Variants in EFR3A observed in about 807,000 individuals in gnomAD.
The protein encoded by EFR3A is EFR3 homolog A, also known as protein EFR3 homolog A.
EFR3A carries 76 observed loss-of-function variants against 104.4 expected under a neutral mutation model. The observed-to-expected ratio is 0.73, with a 90% CI of 0.60 to 0.88. EFR3A has a LOEUF of 0.88. Ranked by LOEUF, EFR3A falls within the 40% of genes least tolerant of loss-of-function variation. The pLI is 0.00. For missense variants in EFR3A, 985 were observed against 1,012.5 expected (o/e 0.97, Z 0.37); for synonymous variants, 330 against 330.0 (o/e 1.00, Z 0.00).
At chr8:131,919,746 T>A (rs1178350802) in intron 1 of EFR3A, among the ~76,000 whole-genome samples, 9 of 151,958 alleles carry the variant, frequency 5.9e-5, no homozygotes, top group African/African-American at 2.2e-4. Flanking sequence ...CTCCCTAGAT[T>A]TTGGTTCATT....
intron 1 of EFR3A, among the ~76,000 whole-genome samples, chr8:131,912,123 G>C (rs1361782026): frequency 6.6e-6 from 1 of 152,166 alleles, no homozygotes. Flanking sequence ...TTTTGTTTTT[G>C]AGGCCTTCAT....
chr8:131,941,180 CAG>C (rs1563646361), intron 2 of EFR3A, among the ~76,000 whole-genome samples: 2 of 151,964 alleles, frequency 1.3e-5, no homozygotes, highest in South Asian at 4.1e-4. Context: ...TTGTTTCAGG[CAG>C]AGTTTTTCTT....
chr8:131,989,688 A>G (rs1297876381), intron 18 of EFR3A, among the ~76,000 whole-genome samples: 4 of 152,202 alleles, frequency 2.6e-5, no homozygotes, highest in Admixed American at 2.6e-4. Context: ...CCTACAATGT[A>G]ATATATATCA....
At chr8:131,943,153 G>A (rs546984367) in intron 2 of EFR3A, among the ~76,000 whole-genome samples, 2 of 152,118 alleles carry the variant, frequency 1.3e-5, no homozygotes, top group South Asian at 2.1e-4. Flanking sequence ...TTGGATTAGG[G>A]ATATCTAAGT....
At chr8:131,910,256 A>T (rs1022791914) in intron 1 of EFR3A, among the ~76,000 whole-genome samples, 2 of 152,170 alleles carry the variant, frequency 1.3e-5, no homozygotes, top group Admixed American at 6.6e-5. Context: ...AACTTGAAGC[A>T]AAAACAGCTG....
At chr8:131,928,471 A>G (rs796927767) in intron 1 of EFR3A, among the ~76,000 whole-genome samples, 2 of 152,286 alleles carry the variant, frequency 1.3e-5, no homozygotes, top group African/African-American at 4.8e-5. Flanking sequence ...TCTGTATTTT[A>G]GATAGCAGAC....
chr8:131,917,695 C>A (rs904128904), intron 1 of EFR3A, among the ~76,000 whole-genome samples: 4 of 152,104 alleles, frequency 2.6e-5, no homozygotes, highest in African/African-American at 9.7e-5. Flanking sequence ...TTTATAGTTG[C>A]AGTAATAAAA....
At chr8:131,928,511 G>A (rs1817420634) in intron 1 of EFR3A, among the ~76,000 whole-genome samples, 4 of 152,052 alleles carry the variant, frequency 2.6e-5, no homozygotes, top group South Asian at 2.1e-4. Flanking sequence ...GATTAAAGTA[G>A]CAATAAATTA....
intron 1 of EFR3A, among the ~76,000 whole-genome samples, chr8:131,918,727 A>C (rs1202077730): frequency 2.0e-5 from 3 of 152,218 alleles, no homozygotes; most frequent in African/African-American, 7.2e-5. Context: ...CTGTTGGTAT[A>C]TTAAATGTAT....
intron 19 of EFR3A, among the ~76,000 whole-genome samples, chr8:131,999,836 T>G (rs1311277153): frequency 6.6e-6 from 1 of 152,188 alleles, no homozygotes. Flanking sequence ...TTAGTCAGTG[T>G]CATTATTAGA....
At chr8:131,989,358 A>G (rs565430720) in intron 18 of EFR3A, among the ~76,000 whole-genome samples, 1 of 152,352 alleles carries the variant, frequency 6.6e-6, no homozygotes, top group Admixed American at 6.5e-5. Flanking sequence ...TGTGTCATGT[A>G]GTACCCATCA....
At chr8:131,929,792 T>A (rs1817494326) in intron 1 of EFR3A, among the ~76,000 whole-genome samples, 1 of 152,122 alleles carries the variant, frequency 6.6e-6, no homozygotes, top group South Asian at 2.1e-4. Flanking sequence ...TTCACCTGTG[T>A]CCCTCTCTGA....
At chr8:131,984,748 A>C (rs1820792045) in intron 15 of EFR3A, among the ~76,000 whole-genome samples, 181 bp from the exon 16 acceptor site, 1 of 152,176 alleles carries the variant, frequency 6.6e-6, no homozygotes, top group African/African-American at 2.4e-5. Context: ...AAGTTGGAAA[A>C]ATTAACTCTC....
chr8:131,943,260 A>G (rs572056783), intron 2 of EFR3A, among the ~76,000 whole-genome samples: 21 of 152,208 alleles, frequency 1.4e-4, no homozygotes, highest in Admixed American at 1.2e-3. Flanking sequence ...CTCAACCTGT[A>G]TCTTATTTTT....
intron 15 of EFR3A, 109 bp from the exon 16 acceptor site, chr8:131,984,820 G>A (rs747376707): frequency 4.6e-5 from 44 of 965,460 alleles, no homozygotes; most frequent in Non-Finnish European, 5.3e-5. Flanking sequence ...TGATAAAGTG[G>A]CATTTTTGTT....
chr8:131,985,415 G>A (rs570310708), intron 16 of EFR3A, among the ~76,000 whole-genome samples: 1 of 152,116 alleles, frequency 6.6e-6, no homozygotes, highest in African/African-American at 2.4e-5. Flanking sequence ...TAAACTACTT[G>A]AGGCAGATCT....
At chr8:131,930,978 A>T (rs1206195213) in intron 1 of EFR3A, among the ~76,000 whole-genome samples, 1 of 152,174 alleles carries the variant, frequency 6.6e-6, no homozygotes, top group East Asian at 1.9e-4. Flanking sequence ...AATAAGAAAA[A>T]GTCATATGCT....
intron 14 of EFR3A, among the ~76,000 whole-genome samples, chr8:131,980,571 AAT>A (rs1820557581): frequency 3.3e-5 from 5 of 152,142 alleles, no homozygotes; most frequent in Non-Finnish European, 7.4e-5. Flanking sequence ...TATGGGATAT[AAT>A]ATGTTTTGAT....
chr8:131,946,511 G>A lies in EFR3A; in HGVS notation c.244G>A (p.Asp82Asn). Residue 82 changes from aspartate to asparagine, a missense_variant, in exon 4 of 23, where the codon GAC (aspartate) becomes AAC (asparagine). Coordinates refer to ENST00000254624, the MANE Select transcript of EFR3A (RefSeq NM_015137.6). ...TGTTTTGATTGCTATGGAGGCACTG[G>A]ACCAACTTCTCATGGCTTGCCATTC... ...GYVLIAMEALDQLLMACHSQS... is the reference protein window; with the variant it reads ...GYVLIAMEALNQLLMACHSQS... The A allele has an allele frequency of 6.2e-7, 1 of 1,605,276 alleles. No homozygotes were observed. The highest frequency in any genetic ancestry group is 8.5e-7 in the Non-Finnish European group (1 of 1,175,888).
Sources: gnomAD v4.1 joint callset for allele counts (sites outside exome capture counted in the v4.1 genomes callset) on GRCh38, gnomAD v4.1.1 for gene constraint, MANE v1.5 for transcripts, NCBI Gene and HGNC (gene_info 2026-07-23, HGNC 2026-07-21) for gene names.